The following SNX19 variants were observed in gnomAD, a reference collection of about 807,000 sequenced individuals.
SNX19 encodes sorting nexin-19.
A neutral mutation model predicts 85.2 loss-of-function variants in SNX19; 60 were observed. The ratio of observed to expected loss-of-function variants is 0.70; its 90% confidence interval spans 0.57 to 0.87. The LOEUF (loss-of-function observed/expected upper bound fraction) is 0.87, where lower values mean the gene tolerates loss of function less well. Ranked by LOEUF, SNX19 falls within the 40% of genes least tolerant of loss-of-function variation. SNX19 has a pLI of 0.00. For synonymous variants in SNX19, 520 were observed against 470.0 expected, an observed-to-expected ratio of 1.11 and a Z score of -1.38; for missense variants, 1,201 against 1,217.8, an observed-to-expected ratio of 0.99 and a Z score of 0.21.
intron 2 of SNX19, 90 bp from the exon 3 acceptor site, chr11:130,910,460 T>C (rs1010238755): frequency 4.2e-5 from 39 of 927,970 alleles, no homozygotes; most frequent in Admixed American, 5.4e-5. Flanking sequence ...AACAGAACTA[T>C]TGAATATATT....
chr11:130,890,395 C>A (rs998230018), intron 8 of SNX19, among the ~76,000 whole-genome samples: 4 of 152,132 alleles, frequency 2.6e-5, no homozygotes, highest in African/African-American at 4.8e-5. Flanking sequence ...ATTAATTAAT[C>A]CTCCACAGCA....
rs541857127 is a variant in SNX19, at chr11:130,907,339, C to T, written c.2165+614G>A. ...AAGCACAGAGACAGAGACACACACACATACACACATGCTCTCTCTTTTTTC... is the reference window on the plus strand; with the variant it reads ...AAGCACAGAGACAGAGACACACACATATACACACATGCTCTCTCTTTTTTC... On this transcript the variant is annotated intron_variant, in intron 5 of 10. Transcript: ENST00000265909. Among the ~76,000 whole-genome samples, 4 of 152,222 alleles carry T rather than the reference C, an allele frequency of 2.6e-5. No individual in the cohort carries two copies. In the East Asian group the frequency reaches 7.7e-4, roughly 29 times the overall value.
chr11:130,883,609 C>G (rs1943843596), intron 8 of SNX19, among the ~76,000 whole-genome samples: 1 of 152,188 alleles, frequency 6.6e-6, no homozygotes, highest in South Asian at 2.1e-4. Flanking sequence ...TTGCACCACG[C>G]ATGGTTTAAA....
intron 5 of SNX19, 22 bp from the exon 6 acceptor site, chr11:130,906,743 G>A (rs767210613): frequency 6.5e-7 from 1 of 1,549,910 alleles, no homozygotes; most frequent in South Asian, 1.1e-5. Context: ...ACAAAGAGCA[G>A]AAACAGGTTG....
At chr11:130,886,638 G>T (rs1944097851) in intron 8 of SNX19, among the ~76,000 whole-genome samples, 1 of 152,152 alleles carries the variant, frequency 6.6e-6, no homozygotes, top group Non-Finnish European at 1.5e-5. Flanking sequence ...GCAATCTATA[G>T]GGTGGGAGAG....
chr11:130,911,607 C>A, intron 2 of SNX19, 26 bp downstream of exon 2: 1 of 1,613,542 alleles, frequency 6.2e-7, no homozygotes, highest in Non-Finnish European at 8.5e-7. Flanking sequence ...AGCAAGCGGG[C>A]AGTAGGGGTT....
intron 8 of SNX19, among the ~76,000 whole-genome samples, chr11:130,895,842 T>A (rs1944840535): frequency 6.6e-6 from 1 of 152,160 alleles, no homozygotes; most frequent in Non-Finnish European, 1.5e-5. Flanking sequence ...GATGTCTTCA[T>A]CCTAAGATGG....
In SNX19 at chr11:130,910,374, C is replaced by CAAA; in HGVS notation, c.1814-5_1814-4insTTT. 1.0e-5 allele frequency: 10 copies of CAAA among 986,674 alleles called. 1 individual carries two copies. Among genetic ancestry groups the CAAA allele is most frequent in the Admixed American group, 3.6e-5 (1 of 28,162 alleles). 61.1% of individuals were successfully genotyped at this position (986,674 alleles called of 1,614,324 possible). A position where few individuals can be genotyped will look rare whatever the true frequency, so the allele number is the denominator to read the frequency against. The stretch of plus-strand genomic sequence containing the variant: ...AGCTTTTTAGGACCCTTCACATCTT[C>CAAA]CAAAAAAAAAAAAAATCAAAATATT... On this transcript the variant is annotated splice_region_variant and splice_polypyrimidine_tract_variant and intron_variant, in intron 2 of 10. Transcript: ENST00000265909.
rs1592391046 is a variant in SNX19, at chr11:130,915,799, G to A, written c.141C>T (p.Asn47=). The part of the protein sequence containing the change: ...GWLLVIHLLV[N]VWLLCLLSAL... The stretch of plus-strand genomic sequence containing the variant: ...CCGACAGAAGGCACAGCAGCCACAC[G>A]TTGACCAGAAGGTGTATGACCAGGA... The change falls in exon 1 of 11, where the codon AAC becomes AAT. Residue 47 remains asparagine (N), a synonymous_variant. Transcript: ENST00000265909. The A allele has an allele frequency of 6.2e-7, 1 of 1,614,194 alleles. No homozygotes were observed. Among genetic ancestry groups the A allele is most frequent in the Non-Finnish European group, 8.5e-7 (1 of 1,180,036 alleles).
At chr11:130,900,800 T>C (rs1409048882) in intron 8 of SNX19, among the ~76,000 whole-genome samples, 2 of 152,142 alleles carry the variant, frequency 1.3e-5, no homozygotes, top group Non-Finnish European at 2.9e-5. Context: ...TTAAACCACT[T>C]AGAAGATTAG....
In SNX19 at chr11:130,871,866, A is replaced by G. The variant is rs4937584; in HGVS notation, c.*6556T>C. The stretch of plus-strand genomic sequence containing the variant: ...CATTATTCACAAACTTACCTTCTTA[A>G]TCACTACAACACTTTAATATTAAAA... On this transcript the variant is annotated 3_prime_UTR_variant, in exon 11 of 11. Coordinates refer to ENST00000265909, the MANE Select transcript of SNX19 (RefSeq NM_014758.3). Among the ~76,000 whole-genome samples, 66,508 of 152,056 alleles carry G rather than the reference A, an allele frequency of 0.44. 14,838 individuals carry two copies. Among genetic ancestry groups the G allele is most frequent in the South Asian group, 0.56 (2,707 of 4,820 alleles).
intron 8 of SNX19, among the ~76,000 whole-genome samples, chr11:130,882,145 A>C (rs876641): frequency 0.44 from 67,153 of 152,110 alleles, 15,117 homozygotes; most frequent in South Asian, 0.57. Context: ...TCTGTTCCTG[A>C]ATTTTTTTCA....
rs139448131 is a variant in SNX19, at chr11:130,871,170, G to A, written c.*7252C>T. 6.6e-6 allele frequency among the ~76,000 whole-genome samples: 1 copy of A among 152,064 alleles called. No homozygotes were observed. The highest frequency in any genetic ancestry group is 2.4e-5 in the African/African-American group (1 of 41,408). The stretch of plus-strand genomic sequence containing the variant: ...AATAAAAAATCCCTAGATTTTTTTG[G>A]AAGTTTCTCGTCTAACCTCCTGCCT... On this transcript the variant is annotated 3_prime_UTR_variant, in exon 11 of 11. Transcript: ENST00000265909.
Position 130,903,244 on chromosome 11 carries a change from A to G in SNX19, c.2573+11T>C. 1 of 1,613,516 alleles carries G rather than the reference A, an allele frequency of 6.2e-7. No individual in the cohort carries two copies. Among genetic ancestry groups the G allele is most frequent in the Non-Finnish European group, 8.5e-7 (1 of 1,179,532 alleles). Reference sequence around the variant, plus strand: ...GAGATTCTGATGTGAGGGAGAATTCAGCAGTCTTACCTTTGAACTAGGGTC... The same window carrying G: ...GAGATTCTGATGTGAGGGAGAATTCGGCAGTCTTACCTTTGAACTAGGGTC... On this transcript the variant is annotated intron_variant, in intron 8 of 10. Transcript: ENST00000265909.
rs775020476 is a variant in SNX19, at chr11:130,906,093, A to G, written c.2303T>C (p.Ile768Thr). ...TTCCAGTAACTTTGTCTGTTTTTCA[A>G]TAAAAGATTCCATCGCAGACATGGA... ...TLSMSAMESF[I>T]EKQTKLLEMQ... The change falls in exon 7 of 11, where the codon ATT becomes ACT. Residue 768 changes from isoleucine to threonine, a missense_variant. Ile to Thr is a moderately conservative substitution (Grantham distance 89). Transcript: ENST00000265909. The G allele has an allele frequency of 1.9e-6, 3 of 1,614,140 alleles. No individual in the cohort carries two copies. Among genetic ancestry groups the G allele is most frequent in the Non-Finnish European group, 8.5e-7 (1 of 1,180,030 alleles).
At chr11:130,905,425 T>C (rs1474509787) in intron 7 of SNX19, among the ~76,000 whole-genome samples, 1 of 152,182 alleles carries the variant, frequency 6.6e-6, no homozygotes, top group Non-Finnish European at 1.5e-5. Context: ...AGATATACAA[T>C]ATTCAATGTT....
At position 130,879,636 on chromosome 11, in the gene SNX19, GGTT is replaced by G; in HGVS notation, c.2831_2833del (p.Gln944del). ...TTTTCCCACTTACCTGTTGATGAGG[GGTT>G]GTTGTAGTGACTCCAGGACTAGACC... On this transcript the variant is annotated inframe_deletion, in exon 10 of 11. Coordinates refer to ENST00000265909, the MANE Select transcript of SNX19 (RefSeq NM_014758.3). The G allele has an allele frequency of 6.2e-7, 1 of 1,613,804 alleles. No individual in the cohort carries two copies. The highest frequency in any genetic ancestry group is 2.2e-5 in the East Asian group (1 of 44,860).
At chr11:130,905,863 A>G in intron 7 of SNX19, 90 bp downstream of exon 7, 1 of 1,603,668 alleles carries the variant, frequency 6.2e-7, no homozygotes, top group Non-Finnish European at 8.5e-7. Flanking sequence ...ATGGAACAGA[A>G]ATCAAAGTTA....
At position 130,914,464 on chromosome 11, in the gene SNX19, G is replaced by A; in HGVS notation, c.1476C>T (p.Ser492=). 3 of 1,613,836 alleles carry A rather than the reference G, an allele frequency of 1.9e-6. No homozygotes were observed. Among genetic ancestry groups the A allele is most frequent in the Non-Finnish European group, 2.5e-6 (3 of 1,179,806 alleles). Reference sequence around the variant, plus strand: ...CTGGTGGCAGAGTAGGATCAAGGGAGCTCACATCATTGGTGAGATCCTTCT... The same window carrying A: ...CTGGTGGCAGAGTAGGATCAAGGGAACTCACATCATTGGTGAGATCCTTCT... ...CLEKDLTNDV[S]SLDPTLPPVL... is the part of the protein sequence containing the mutation. The change falls in exon 1 of 11, where the codon AGC becomes AGT. Residue 492 remains serine, a synonymous_variant. Transcript: ENST00000265909.
Sources: allele counts gnomAD v4.1 joint callset (sites outside exome capture counted in the v4.1 genomes callset), GRCh38; gene constraint gnomAD v4.1.1; transcripts MANE v1.5; gene names NCBI Gene and HGNC (gene_info 2026-07-23, HGNC 2026-07-21).